The following ANKRD36B variants were observed in gnomAD, a reference collection of about 807,000 sequenced individuals.
The protein encoded by ANKRD36B is ankyrin repeat domain-containing protein 36B.
In ANKRD36B, 37 loss-of-function variants were observed where a neutral mutation model predicts 135.7. The ratio of observed to expected loss-of-function variants is 0.27; its 90% confidence interval spans 0.21 to 0.36. The LOEUF (loss-of-function observed/expected upper bound fraction) is 0.36. Ranked by LOEUF, ANKRD36B falls within the 10% of genes least tolerant of loss-of-function variation. The probability of loss-of-function intolerance (pLI) is 1.00; values close to 1 mark genes in which losing one functional copy is unlikely to be tolerated. For missense variants in ANKRD36B, 549 were observed against 1,037.1 expected (o/e 0.53, Z 6.46); for synonymous variants, 179 against 348.1 (o/e 0.51, Z 5.41).
chr2:97,529,824 A>T (rs1230284694), intron 35 of ANKRD36B, among the ~76,000 whole-genome samples: 3 of 95,530 alleles, frequency 3.1e-5, no homozygotes, highest in African/African-American at 9.4e-5. Flanking sequence ...AGAGAATAAA[A>T]TACCTAGGAA....
Position 97,560,822 on chromosome 2 carries a change from C to T in ANKRD36B, c.792+10G>A, listed in dbSNP as rs201940725. On this transcript the variant is annotated intron_variant, in intron 7 of 43. Transcript: ENST00000359901. The stretch of plus-strand genomic sequence containing the variant: ...TTAATAGTTCAACATATAAATGAGA[C>T]TTTAATTACCTTCTCAGCTCGTTGT... The T allele has an allele frequency of 3.4e-4, 542 of 1,572,532 alleles. No individual in the cohort carries two copies. The highest frequency in any genetic ancestry group is 4.4e-4 in the Non-Finnish European group (512 of 1,163,358).
intron 32 of ANKRD36B, 136 bp downstream of exon 32, chr2:97,538,032 C>A: frequency 2.3e-6 from 1 of 441,428 alleles, no homozygotes; most frequent in South Asian, 1.8e-5. Context: ...CCTGACAACT[C>A]AGTAGAAATG....
At position 97,550,001 on chromosome 2, in the gene ANKRD36B, C is replaced by T. The variant is rs571787912; in HGVS notation, c.1376-387G>A. Among the ~76,000 whole-genome samples, 1,111 of 150,980 alleles carry T rather than the reference C, an allele frequency of 7.4e-3. 28 individuals carry two copies. Among genetic ancestry groups the T allele is most frequent in the African/African-American group, 0.025 (1,016 of 40,664 alleles). On this transcript the variant is annotated intron_variant, in intron 18 of 43. Transcript: ENST00000359901. ...CCCACATGTCTTTCATGCAACAAAT[C>T]AAAAGGATTTACACCATTATACTAC...
In ANKRD36B at chr2:97,528,618, G is replaced by A. The variant is rs1258247453; in HGVS notation, c.2265+3693C>T. Reference sequence around the variant, plus strand: ...CAAAAAATTAATGAATCCAGGAGCCGGTTTTTTGAAAGGATCAACAAAATT... The same window carrying A: ...CAAAAAATTAATGAATCCAGGAGCCAGTTTTTTGAAAGGATCAACAAAATT... On this transcript the variant is annotated intron_variant, in intron 35 of 43. Coordinates refer to ENST00000359901, the MANE Select transcript of ANKRD36B (RefSeq NM_001393939.1). 7.4e-5 allele frequency among the ~76,000 whole-genome samples: 7 copies of A among 95,106 alleles called. 2 individuals are homozygous for A. Among genetic ancestry groups the A allele is most frequent in the African/African-American group, 1.9e-4 (6 of 31,736 alleles). The allele number at this position is 95,106 out of a possible 152,430, so 62.4% of individuals were successfully genotyped here. A position where few individuals can be genotyped will look rare whatever the true frequency, so the allele number is the denominator to read the frequency against.
chr2:97,570,022 C>T (rs1251664018), intron 6 of ANKRD36B, among the ~76,000 whole-genome samples: 5 of 151,900 alleles, frequency 3.3e-5, no homozygotes, highest in Non-Finnish European at 7.4e-5. Flanking sequence ...TTTTTTATTT[C>T]AATTTTAAAT....
intron 12 of ANKRD36B, 106 bp downstream of exon 12, chr2:97,556,831 G>C: frequency 6.7e-7 from 1 of 1,487,908 alleles, no homozygotes; most frequent in Non-Finnish European, 9.0e-7. Context: ...CAGGCCTGCT[G>C]AATCAGAAAG....
chr2:97,539,949 G>T, intron 30 of ANKRD36B, 85 bp downstream of exon 30: 1 of 619,912 alleles, frequency 1.6e-6, no homozygotes, highest in Non-Finnish European at 2.7e-6. Context: ...CAGCTGCGAC[G>T]AACCCCCCCG....
intron 14 of ANKRD36B, 130 bp from the exon 15 acceptor site, chr2:97,553,501 A>G: frequency 8.5e-7 from 1 of 1,180,672 alleles, no homozygotes; most frequent in South Asian, 1.5e-5. Flanking sequence ...TTTCTACTTT[A>G]TGTCTTAAGC....
At chr2:97,538,067 G>A in intron 32 of ANKRD36B, 101 bp downstream of exon 32, 2 of 661,220 alleles carry the variant, frequency 3.0e-6, no homozygotes, top group Non-Finnish European at 5.0e-6. Flanking sequence ...TGCTGAATCA[G>A]AAAGTGCATT....
chr2:97,560,523 A>G, intron 8 of ANKRD36B, 142 bp downstream of exon 8: 2 of 1,267,514 alleles, frequency 1.6e-6, no homozygotes, highest in South Asian at 1.3e-5. Context: ...GAGTCACCTG[A>G]GAACTCACTA....
chr2:97,532,925 T>C (rs1172879531), intron 34 of ANKRD36B, among the ~76,000 whole-genome samples: 3 of 95,226 alleles, frequency 3.2e-5, no homozygotes, highest in African/African-American at 9.5e-5. Flanking sequence ...CACAAATTCA[T>C]CCACCCAACA....
At chr2:97,547,361 T>A in intron 22 of ANKRD36B, 175 bp downstream of exon 22, 1 of 775,170 alleles carries the variant, frequency 1.3e-6, no homozygotes, top group South Asian at 1.8e-5. Context: ...ACTGCGAAGA[T>A]CATGTTCCAG....
chr2:97,560,568 G>A (rs575707899), intron 8 of ANKRD36B, 97 bp downstream of exon 8: 483 of 1,530,820 alleles, frequency 3.2e-4, no homozygotes, highest in Admixed American at 7.0e-4. Flanking sequence ...GAATCAGAAC[G>A]TGCAGCTTAT....
chr2:97,563,401 T>C (rs1397735556), intron 6 of ANKRD36B, among the ~76,000 whole-genome samples: 1 of 150,464 alleles, frequency 6.6e-6, no homozygotes, highest in Non-Finnish European at 1.5e-5. Context: ...TGAAAATTCC[T>C]CTATTTACAG....
At chr2:97,550,549 G>A (rs1038363592) in intron 18 of ANKRD36B, among the ~76,000 whole-genome samples, 4 of 151,788 alleles carry the variant, frequency 2.6e-5, no homozygotes, top group African/African-American at 9.7e-5. Flanking sequence ...GAACAAGGAA[G>A]CCAATGTGTT....
At chr2:97,570,547 GTAAC>G (rs991143613) in intron 6 of ANKRD36B, among the ~76,000 whole-genome samples, 4 of 152,160 alleles carry the variant, frequency 2.6e-5, no homozygotes, top group Non-Finnish European at 4.4e-5. Flanking sequence ...GCATGCCTAT[GTAAC>G]TAGCTTCCAT....
rs529781321 is a variant in ANKRD36B at position 97,564,390 on chromosome 2, C to G, written c.764-3530G>C. 9.2e-5 allele frequency among the ~76,000 whole-genome samples: 14 copies of G among 152,214 alleles called. No homozygotes were observed. The East Asian group carries it at 2.1e-3, about 23-fold the overall frequency. ...CAAGTTCTTTAGTTTAATTAGATCC[C>G]ATTTGTCAATTTTGGCTTTTGTTGA... On this transcript the variant is annotated intron_variant, in intron 6 of 43. Transcript: ENST00000359901.
At position 97,528,388 on chromosome 2, in the gene ANKRD36B, G is replaced by C. The variant is rs2078345111; in HGVS notation, c.2265+3923C>G. Among the ~76,000 whole-genome samples, 2 of 93,326 alleles carry C rather than the reference G, an allele frequency of 2.1e-5. 1 individual carries two copies. Among genetic ancestry groups the C allele is most frequent in the African/African-American group, 6.4e-5 (2 of 31,074 alleles). The allele number at this position is 93,326 out of a possible 152,430, so 61.2% of individuals were successfully genotyped here. ...AAGACACAACATACCAGAATCTCTG[G>C]GACACATTCAAAGCAGTGTACAGTG... is the stretch of plus-strand genomic sequence containing the variant. On this transcript the variant is annotated intron_variant, in intron 35 of 43. Coordinates refer to ENST00000359901, the MANE Select transcript of ANKRD36B (RefSeq NM_001393939.1).
intron 22 of ANKRD36B, among the ~76,000 whole-genome samples, chr2:97,546,382 T>A (rs1470577637): frequency 6.6e-6 from 1 of 151,744 alleles, no homozygotes; most frequent in Non-Finnish European, 1.5e-5. Context: ...GTGTCCTAAA[T>A]TGATCACCTT....
Sources: allele counts gnomAD v4.1 joint callset (sites outside exome capture counted in the v4.1 genomes callset), GRCh38; gene constraint gnomAD v4.1.1; transcripts MANE v1.5; gene names NCBI Gene and HGNC (gene_info 2026-07-23, HGNC 2026-07-21).